AKAP13: variants seen among roughly 807,000 people sequenced by gnomAD.
AKAP13 encodes A-kinase anchor protein 13.
In AKAP13, 80 loss-of-function variants were observed where a neutral mutation model predicts 264.5. That is an observed-to-expected ratio of 0.30 (90% CI 0.25 to 0.36). The LOEUF (loss-of-function observed/expected upper bound fraction) is 0.36. AKAP13 is among the 10% of genes least tolerant of loss of function. The pLI is 1.00. For synonymous variants in AKAP13, 1,380 were observed against 1,250.2 expected (o/e 1.10, Z -2.19); for missense variants, 3,712 against 3,435.2 (o/e 1.08, Z -2.01).
intron 18 of AKAP13, chr15:85,710,361 A>G (rs1243802929): frequency 4.6e-6 from 2 of 435,942 alleles, no homozygotes; most frequent in African/African-American, 4.0e-5. Context: ...AAGGTGAGAA[A>G]AGCATTCCAG....
In AKAP13 at chr15:85,438,243, A is replaced by G. The variant is rs934416830; in HGVS notation, c.-11-47467A>G. Among the ~76,000 whole-genome samples the G allele has an allele frequency of 8.2e-4, 110 of 134,362 alleles. 5 individuals are homozygous for G. The highest frequency in any genetic ancestry group is 3.2e-3 in the African/African-American group (101 of 32,058). 88.1% of individuals were successfully genotyped at this position (134,362 alleles called of 152,430 possible). A position where few individuals can be genotyped will look rare whatever the true frequency, so the allele number is the denominator to read the frequency against. On this transcript the variant is annotated intron_variant, in intron 1 of 36. Transcript: ENST00000394518. ...TTGCTTCAAAGAGAATAAAATACCT[A>G]GGAATCCAACTTAAAAGGGATGTGA...
rs750386398 is a variant in AKAP13, at chr15:85,580,279, G to A, written c.2211G>A (p.Val737=). 2 of 1,614,040 alleles carry A rather than the reference G, an allele frequency of 1.2e-6. No homozygotes were observed. The highest frequency in any genetic ancestry group is 2.2e-5 in the East Asian group (1 of 44,896). The change falls in exon 7 of 37, where the codon GTG becomes GTA. Residue 737 remains valine (V), a synonymous_variant. Coordinates refer to ENST00000394518, the MANE Select transcript of AKAP13 (RefSeq NM_007200.5). ...ERADFCPFKV[V]DNKGQRKDVK... is the part of the protein sequence containing the mutation. ...CGGATTTTTGTCCTTTCAAAGTGGT[G>A]GATAACAAAGGCCAACGAAAAGATG...
Position 85,580,027 on chromosome 15 carries a change from T to G in AKAP13, c.1959T>G (p.Cys653Trp), listed in dbSNP as rs769332075. 2.5e-6 allele frequency: 4 copies of G among 1,614,198 alleles called. No homozygotes were observed. In the South Asian group the frequency reaches 4.4e-5, roughly 18 times the overall value. The change falls in exon 7 of 37, where the codon TGT becomes TGG. Residue 653 changes from cysteine (C) to tryptophan (W), a missense_variant. Physicochemically the swap from Cys to Trp is radical, Grantham distance 215 (BLOSUM62 -2). Around this residue, in one of 3 missense-constraint regions of AKAP13, gnomAD observed 2,759 missense variants for 2,411.7 expected, o/e 1.14. Coordinates refer to ENST00000394518, the MANE Select transcript of AKAP13 (RefSeq NM_007200.5). ...AAAAGGGCAAATCCTCACCCATTTG[T>G]TCTACAACTGGAGACGATAAACTTT... Reference protein sequence around the residue: ...QSQKGKSSPICSTTGDDKLCA... With the variant: ...QSQKGKSSPIWSTTGDDKLCA...
chr15:85,493,792 G>A (rs904405252), intron 2 of AKAP13, among the ~76,000 whole-genome samples: 1 of 152,046 alleles, frequency 6.6e-6, no homozygotes, highest in Non-Finnish European at 1.5e-5. Flanking sequence ...TGTCCTAGAC[G>A]GGGTAAGGGA....
chr15:85,485,994 A>G (rs6497206), intron 2 of AKAP13, among the ~76,000 whole-genome samples: 77,751 of 152,126 alleles, frequency 0.51, 20,428 homozygotes, highest in Middle Eastern at 0.61. Context: ...TAGTCAGGGT[A>G]ATAGTATGCA....
intron 10 of AKAP13, among the ~76,000 whole-genome samples, chr15:85,651,367 T>C (rs1256149813): frequency 6.6e-6 from 1 of 152,226 alleles, no homozygotes; most frequent in Non-Finnish European, 1.5e-5. Context: ...CCAGTTTGCC[T>C]GAATTCTTTG....
chr15:85,651,018 T>A (rs1321392953), intron 10 of AKAP13, among the ~76,000 whole-genome samples: 1 of 152,076 alleles, frequency 6.6e-6, no homozygotes, highest in African/African-American at 2.4e-5. Context: ...TGTTTGGGAA[T>A]AAATGGAGAT....
chr15:85,569,625 G>C (rs1039609622), intron 5 of AKAP13, among the ~76,000 whole-genome samples: 2 of 151,774 alleles, frequency 1.3e-5, no homozygotes, highest in Non-Finnish European at 2.9e-5. Context: ...GCTAATTTTT[G>C]TATTTTTGGT....
At chr15:85,387,665 CAGTT>C (rs71466102) in intron 1 of AKAP13, among the ~76,000 whole-genome samples, 38,613 of 151,922 alleles carry the variant, frequency 0.25, 6,523 homozygotes, top group Non-Finnish European at 0.38. Context: ...AGCTGGAAAT[CAGTT>C]AGGGGGCAAT....
At chr15:85,612,601 C>T (rs56382304) in intron 8 of AKAP13, among the ~76,000 whole-genome samples, 30,829 of 151,948 alleles carry the variant, frequency 0.2, 4,135 homozygotes, top group Middle Eastern at 0.41. Context: ...GCGGGTGGAT[C>T]ATTTGAGGTC....
chr15:85,689,807 T>C (rs1179294173), intron 16 of AKAP13: 1 of 152,292 alleles, frequency 6.6e-6, no homozygotes, highest in Non-Finnish European at 1.5e-5. Context: ...TCATTTCCTG[T>C]ATCCTTTGTA....
At chr15:85,736,600 G>A (rs2088534226) in intron 33 of AKAP13, among the ~76,000 whole-genome samples, 1 of 152,144 alleles carries the variant, frequency 6.6e-6, no homozygotes, top group South Asian at 2.1e-4. Flanking sequence ...GCTTTGCCAT[G>A]TTGTCCAGGC....
chr15:85,485,913 G>C (rs1404529911), intron 2 of AKAP13, among the ~76,000 whole-genome samples, 160 bp downstream of exon 2: 2 of 152,178 alleles, frequency 1.3e-5, no homozygotes, highest in Admixed American at 6.5e-5. Flanking sequence ...GTTTGATTTA[G>C]TAAATACTAA....
chr15:85,669,198 C>T (rs1423074416), intron 13 of AKAP13, among the ~76,000 whole-genome samples: 1 of 152,022 alleles, frequency 6.6e-6, no homozygotes, highest in Non-Finnish European at 1.5e-5. Flanking sequence ...AAGATTATGC[C>T]TCTGCACATC....
At chr15:85,491,110 C>T (rs1409631511) in intron 2 of AKAP13, among the ~76,000 whole-genome samples, 1 of 152,106 alleles carries the variant, frequency 6.6e-6, no homozygotes, top group African/African-American at 2.4e-5. Context: ...GGTCCAATCT[C>T]TTCTGCATGA....
intron 6 of AKAP13, among the ~76,000 whole-genome samples, chr15:85,576,253 TC>T (rs1284483227): frequency 6.6e-6 from 1 of 152,188 alleles, no homozygotes; most frequent in African/African-American, 2.4e-5. Context: ...ACCAACAGTT[TC>T]TGAGATTGTT....
intron 29 of AKAP13, 40 bp from the exon 30 acceptor site, chr15:85,730,473 A>C: frequency 6.3e-7 from 1 of 1,599,336 alleles, no homozygotes; most frequent in Non-Finnish European, 8.5e-7. Flanking sequence ...GTAATTACTA[A>C]ACACCAATCA....
intron 14 of AKAP13, among the ~76,000 whole-genome samples, chr15:85,675,358 A>G (rs2084166099): frequency 1.3e-5 from 2 of 152,218 alleles, no homozygotes; most frequent in Non-Finnish European, 2.9e-5. Context: ...AGTAGCTGCA[A>G]CAGCAAATAG....
At chr15:85,709,474 C>T (rs1254698671) in intron 18 of AKAP13, among the ~76,000 whole-genome samples, 2 of 152,004 alleles carry the variant, frequency 1.3e-5, no homozygotes, top group African/African-American at 4.8e-5. Flanking sequence ...TCCAGGCTGC[C>T]ACTGCCTTCC....
Sources: allele counts gnomAD v4.1 joint callset (sites outside exome capture counted in the v4.1 genomes callset), GRCh38; gene constraint gnomAD v4.1.1; regional missense constraint gnomAD v4.1.1; transcripts MANE v1.5; gene names NCBI Gene and HGNC (gene_info 2026-07-23, HGNC 2026-07-21).